SYT1: variants seen among roughly 807,000 people sequenced by gnomAD.
The protein encoded by SYT1 is synaptotagmin 1, also known as synaptotagmin-1.
Under a neutral mutation model 44.8 loss-of-function variants are expected in SYT1, and 8 were observed. The ratio of observed to expected loss-of-function variants is 0.18; its 90% CI spans 0.10 to 0.32. The LOEUF is 0.32. Among genes scored for constraint, SYT1 ranks in the 10% least tolerant of loss-of-function variants. SYT1 has a pLI of 1.00. For synonymous variants in SYT1, 154 were observed against 188.8 expected (o/e 0.82, Z 1.51); for missense variants, 286 against 509.3 (o/e 0.56, Z 4.22).
chr12:79,159,084 G>A (rs1213454506), intron 3 of SYT1, among the ~76,000 whole-genome samples: 1 of 152,146 alleles, frequency 6.6e-6, no homozygotes, highest in Non-Finnish European at 1.5e-5. Flanking sequence ...GGACCAGATT[G>A]GAAAAGGCCT....
intron 1 of SYT1, among the ~76,000 whole-genome samples, chr12:78,875,820 G>C (rs1276608336): frequency 6.6e-6 from 1 of 151,590 alleles, no homozygotes; most frequent in Non-Finnish European, 1.5e-5. Flanking sequence ...ATGTCTTGTA[G>C]ACATGTATTT....
intron 3 of SYT1, among the ~76,000 whole-genome samples, chr12:79,125,241 G>A (rs906878642): frequency 1.3e-5 from 2 of 151,956 alleles, no homozygotes. Flanking sequence ...GGAAAATAAC[G>A]TACCTATTTA....
In SYT1 at chr12:79,044,629, G is replaced by A. The variant is rs554789929; in HGVS notation, c.-83-2668G>A. ...GTCTGAAGCCTTCTTCTCTCAGCTC[G>A]TCAAAGTCATTCTCCATCCAGCTTT... is the stretch of plus-strand genomic sequence containing the variant. On this transcript the variant is annotated intron_variant, in intron 2 of 10. Coordinates refer to ENST00000261205, the MANE Select transcript of SYT1 (RefSeq NM_005639.3). 3.0e-4 allele frequency among the ~76,000 whole-genome samples: 45 copies of A among 149,596 alleles called. No individual in the cohort carries two copies. The East Asian group carries it at 7.7e-3, about 26-fold the overall frequency.
chr12:79,261,314 A>G (rs1374848201), intron 4 of SYT1, among the ~76,000 whole-genome samples: 1 of 152,180 alleles, frequency 6.6e-6, no homozygotes, highest in East Asian at 1.9e-4. Flanking sequence ...TCTTAACATT[A>G]AGAAATGTCT....
intron 8 of SYT1, among the ~76,000 whole-genome samples, chr12:79,335,390 C>CT (rs72071132): frequency 1.6e-3 from 222 of 137,802 alleles, no homozygotes; most frequent in East Asian, 3.7e-3. Flanking sequence ...TTCTCTGATG[C>CT]TTTTTTTTTT....
intron 1 of SYT1, among the ~76,000 whole-genome samples, chr12:78,918,390 G>A (rs1040296924): frequency 1.3e-5 from 2 of 152,072 alleles, no homozygotes; most frequent in Non-Finnish European, 2.9e-5. Flanking sequence ...CAGCATTCAT[G>A]TGTAATTTGC....
At chr12:78,966,119 AC>A (rs1409345952) in intron 1 of SYT1, among the ~76,000 whole-genome samples, 1 of 151,810 alleles carries the variant, frequency 6.6e-6, no homozygotes, top group Non-Finnish European at 1.5e-5. Flanking sequence ...AATATAATTG[AC>A]TTTTATTAAT....
At chr12:78,961,411 T>A (rs1470806524) in intron 1 of SYT1, among the ~76,000 whole-genome samples, 1 of 152,088 alleles carries the variant, frequency 6.6e-6, no homozygotes, top group African/African-American at 2.4e-5. Flanking sequence ...TCCCAGCACA[T>A]TCCACACTTT....
At chr12:78,900,003 A>G (rs1875573935) in intron 1 of SYT1, among the ~76,000 whole-genome samples, 4 of 152,110 alleles carry the variant, frequency 2.6e-5, no homozygotes, top group South Asian at 2.1e-4. Context: ...TATTGAAAGT[A>G]AAGTAGCATT....
chr12:79,251,935 A>G (rs1243256075), intron 4 of SYT1, among the ~76,000 whole-genome samples: 1 of 151,704 alleles, frequency 6.6e-6, no homozygotes, highest in Non-Finnish European at 1.5e-5. Context: ...TTCCAATAAC[A>G]GTGTTATGGT....
chr12:78,957,812 A>C (rs551426930), intron 1 of SYT1, among the ~76,000 whole-genome samples: 32 of 152,270 alleles, frequency 2.1e-4, no homozygotes, highest in African/African-American at 7.7e-4. Context: ...CAAAATAAGT[A>C]AATAAAGAAA....
chr12:79,313,618 A>G (rs1038113587), intron 8 of SYT1, among the ~76,000 whole-genome samples: 2 of 145,128 alleles, frequency 1.4e-5, no homozygotes, highest in African/African-American at 5.3e-5. Flanking sequence ...AAAAAAAAAA[A>G]CAAAATAAAA....
rs886491136 is a variant in SYT1 at position 79,141,481 on chromosome 12, A to G, written c.-17-76022A>G. On this transcript the variant is annotated intron_variant, in intron 3 of 10. Coordinates refer to ENST00000261205, the MANE Select transcript of SYT1 (RefSeq NM_005639.3). The stretch of plus-strand genomic sequence containing the variant: ...CTATTCATTTTGTTTTCTTCCATTT[A>G]TATTATTGTGGTTATATAGGTTAAT... Among the ~76,000 whole-genome samples the G allele has an allele frequency of 1.3e-3, 195 of 152,144 alleles. 1 individual carries two copies. Among genetic ancestry groups the G allele is most frequent in the African/African-American group, 4.6e-3 (190 of 41,532 alleles).
chr12:78,892,131 G>A (rs1023225666), intron 1 of SYT1, among the ~76,000 whole-genome samples: 6 of 151,658 alleles, frequency 4.0e-5, no homozygotes, highest in African/African-American at 1.5e-4. Context: ...GATCTGGCAA[G>A]TCCTTGAACT....
intron 9 of SYT1, among the ~76,000 whole-genome samples, chr12:79,380,889 G>A (rs1042391938): frequency 6.6e-6 from 1 of 152,116 alleles, no homozygotes; most frequent in African/African-American, 2.4e-5. Context: ...AACCCCATAT[G>A]TATGATTCCA....
intron 8 of SYT1, among the ~76,000 whole-genome samples, chr12:79,318,944 G>A (rs7296483): frequency 0.011 from 1,610 of 152,086 alleles, 31 homozygotes; most frequent in African/African-American, 0.037. Flanking sequence ...TCATAAACAG[G>A]GAATATAGAA....
intron 3 of SYT1, among the ~76,000 whole-genome samples, chr12:79,109,761 A>G (rs979131559): frequency 6.6e-6 from 1 of 152,184 alleles, no homozygotes; most frequent in African/African-American, 2.4e-5. Flanking sequence ...ATTGAATCCA[A>G]TATCTGAAGC....
intron 3 of SYT1, among the ~76,000 whole-genome samples, chr12:79,112,929 G>A (rs1214278806): frequency 6.6e-6 from 1 of 152,034 alleles, no homozygotes; most frequent in African/African-American, 2.4e-5. Flanking sequence ...GCAGAGTGCA[G>A]ACAAAGGAAA....
At chr12:79,159,001 C>A (rs565430599) in intron 3 of SYT1, among the ~76,000 whole-genome samples, 6 of 152,142 alleles carry the variant, frequency 3.9e-5, no homozygotes, top group Non-Finnish European at 8.8e-5. Flanking sequence ...GTTCAAGGAA[C>A]CTTGATGAAG....
Sources: allele counts gnomAD v4.1 joint callset (sites outside exome capture counted in the v4.1 genomes callset), GRCh38; gene constraint gnomAD v4.1.1; transcripts MANE v1.5; gene names NCBI Gene and HGNC (gene_info 2026-07-23, HGNC 2026-07-21).